Variants in FREM1 observed in about 807,000 individuals in gnomAD.
FREM1 encodes FRAS1 related extracellular matrix 1.
A neutral mutation model predicts 210.1 loss-of-function variants in FREM1; 220 were observed. The observed-to-expected ratio is 1.05, with a 90% CI of 0.94 to 1.17. The LOEUF (loss-of-function observed/expected upper bound fraction) is 1.17. Among genes scored for constraint, FREM1 ranks in the 50% most tolerant of loss-of-function variants. The probability of loss-of-function intolerance (pLI) is 0.00; values close to 1 mark genes in which losing one functional copy is unlikely to be tolerated. For synonymous variants in FREM1, 1,189 were observed against 980.2 expected, an observed-to-expected ratio of 1.21 and a Z score of -3.98; for missense variants, 3,454 against 2,675.5, an observed-to-expected ratio of 1.29 and a Z score of -6.42.
At chr9:14,805,250 TA>T in intron 18 of FREM1, 98 bp from the exon 19 acceptor site, 2 of 635,198 alleles carry the variant, frequency 3.1e-6, no homozygotes, top group Non-Finnish European at 5.2e-6. Context: ...TTCTCAGTAA[TA>T]CAAATAAGAG....
At chr9:14,830,607 C>A (rs560113098) in intron 10 of FREM1, among the ~76,000 whole-genome samples, 2 of 152,300 alleles carry the variant, frequency 1.3e-5, no homozygotes, top group Non-Finnish European at 1.5e-5. Context: ...ATGTGCCCAC[C>A]GGAAGACCTC....
At chr9:14,855,036 G>C (rs894731413) in intron 5 of FREM1, among the ~76,000 whole-genome samples, 3 of 151,662 alleles carry the variant, frequency 2.0e-5, no homozygotes, top group Admixed American at 1.3e-4. Context: ...AAATCCTTAG[G>C]GGCTTTTTTT....
chr9:14,768,238 T>G (rs1420791696), intron 27 of FREM1, among the ~76,000 whole-genome samples: 3 of 149,642 alleles, frequency 2.0e-5, no homozygotes, highest in African/African-American at 7.4e-5. Flanking sequence ...TGATCAACAT[T>G]CCTATGTTTT....
In FREM1 at chr9:14,909,898, T is replaced by C. The variant is rs1037733024; in HGVS notation, c.-268+16A>G. ...CACAGTCACAATGAAAAGAAACACA[T>C]AAAACAGATACTTACAGGTAGTGGT... On this transcript the variant is annotated intron_variant, in intron 1 of 36. Coordinates refer to ENST00000380880, the MANE Select transcript of FREM1 (RefSeq NM_001379081.2). 1 of 152,232 alleles carries C rather than the reference T, an allele frequency of 6.6e-6. No individual in the cohort carries two copies. Among genetic ancestry groups the C allele is most frequent in the Non-Finnish European group, 1.5e-5 (1 of 68,048 alleles). The allele number at this position is 152,232 out of a possible 1,614,324, so 9.4% of individuals were successfully genotyped here.
intron 13 of FREM1, among the ~76,000 whole-genome samples, chr9:14,820,784 C>T (rs10961731): frequency 0.22 from 32,828 of 152,160 alleles, 3,804 homozygotes; most frequent in Middle Eastern, 0.29. Context: ...AAGTGTCTCA[C>T]TTTCACTTTG....
chr9:14,841,881 C>T (rs1825754785), intron 9 of FREM1, among the ~76,000 whole-genome samples: 1 of 152,304 alleles, frequency 6.6e-6, no homozygotes, highest in South Asian at 2.1e-4. Context: ...ACACTAACTA[C>T]TTACTTGATC....
At chr9:14,803,586 C>T (rs1817763753) in intron 19 of FREM1, among the ~76,000 whole-genome samples, 1 of 152,014 alleles carries the variant, frequency 6.6e-6, no homozygotes, top group Admixed American at 6.6e-5. Context: ...CCAGGCTGGT[C>T]TTGAACTCTT....
intron 31 of FREM1, 106 bp downstream of exon 31, chr9:14,748,295 T>A: frequency 1.4e-6 from 1 of 693,636 alleles, no homozygotes; most frequent in Non-Finnish European, 2.5e-6. Flanking sequence ...CCACTCACTA[T>A]GAGAATCAAA....
intron 29 of FREM1, among the ~76,000 whole-genome samples, chr9:14,755,406 T>C (rs1020054508): frequency 1.3e-5 from 2 of 152,214 alleles, no homozygotes; most frequent in Admixed American, 6.5e-5. Flanking sequence ...AGGAGTGTTC[T>C]CAGTATGCAG....
chr9:14,844,530 C>T (rs1027330892), intron 8 of FREM1, among the ~76,000 whole-genome samples: 1 of 152,138 alleles, frequency 6.6e-6, no homozygotes, highest in African/African-American at 2.4e-5. Context: ...CGGCCAGAGA[C>T]TTACAATTCT....
chr9:14,877,108 G>A (rs1833900986), intron 1 of FREM1, among the ~76,000 whole-genome samples: 1 of 151,922 alleles, frequency 6.6e-6, no homozygotes, highest in Non-Finnish European at 1.5e-5. Context: ...TTTAATGCTG[G>A]GACCCTAGAG....
At chr9:14,805,284 T>C in intron 18 of FREM1, 132 bp from the exon 19 acceptor site, 2 of 495,150 alleles carry the variant, frequency 4.0e-6, no homozygotes, top group Non-Finnish European at 3.5e-6. Flanking sequence ...GACCTAAGTA[T>C]CTTGCTATCA....
intron 24 of FREM1, among the ~76,000 whole-genome samples, chr9:14,778,086 G>T (rs1248299088): frequency 6.6e-6 from 1 of 152,088 alleles, no homozygotes; most frequent in African/African-American, 2.4e-5. Context: ...ACCTCGACTT[G>T]TAAAGAATGA....
At chr9:14,782,377 A>G in intron 24 of FREM1, 1 of 979,996 alleles carries the variant, frequency 1.0e-6, no homozygotes, top group African/African-American at 1.7e-5. Context: ...TCTAACCTTC[A>G]TTTCTGAACA....
Position 14,853,603 on chromosome 9 carries a change from C to T in FREM1, c.829-1996G>A, listed in dbSNP as rs148512966. On this transcript the variant is annotated intron_variant, in intron 5 of 36. Coordinates refer to ENST00000380880, the MANE Select transcript of FREM1 (RefSeq NM_001379081.2). Reference sequence around the variant, plus strand: ...GCCTGATCAAATAAGATCCCTCTCTCCCATTCCCCAAAACCACCCCTGCCA... The same window carrying T: ...GCCTGATCAAATAAGATCCCTCTCTTCCATTCCCCAAAACCACCCCTGCCA... Among the ~76,000 whole-genome samples, 140 of 152,264 alleles carry T rather than the reference C, an allele frequency of 9.2e-4. 1 individual carries two copies. The highest frequency in any genetic ancestry group is 3.0e-3 in the African/African-American group (125 of 41,556).
chr9:14,889,847 C>T (rs1257924620), intron 1 of FREM1, among the ~76,000 whole-genome samples: 1 of 151,980 alleles, frequency 6.6e-6, no homozygotes, highest in East Asian at 1.9e-4. Context: ...GACGTGGGAG[C>T]CTTCATTAAA....
Position 14,806,821 on chromosome 9 carries a change from GCCCT to G in FREM1, c.3110_3113del (p.Glu1037AlafsTer52). 6.2e-7 allele frequency: 1 copy of G among 1,603,828 alleles called. No individual in the cohort carries two copies. The highest frequency in any genetic ancestry group is 1.3e-5 in the African/African-American group (1 of 74,812). ...GGTTAACAGTAAGGGCTGTTGAGCAGCCCTCATCTACAACAAACACGGGACCTGC... is the reference window on the plus strand; with the variant it reads ...GGTTAACAGTAAGGGCTGTTGAGCAGCATCTACAACAAACACGGGACCTGC... On this transcript the variant is annotated frameshift_variant, in exon 18 of 37. Coordinates refer to ENST00000380880, the MANE Select transcript of FREM1 (RefSeq NM_001379081.2). LOFTEE classifies it high-confidence loss of function.
intron 1 of FREM1, among the ~76,000 whole-genome samples, chr9:14,905,641 C>G (rs1817554697): frequency 6.6e-6 from 1 of 152,202 alleles, no homozygotes; most frequent in East Asian, 1.9e-4. Context: ...ATAACCCTAG[C>G]ACTTTGGGAG....
intron 28 of FREM1, among the ~76,000 whole-genome samples, chr9:14,759,518 C>CAATAACAATAATAATAATAATAATAAT (rs145791752): frequency 1.7e-4 from 25 of 143,042 alleles, no homozygotes; most frequent in African/African-American, 6.2e-4. Context: ...CTCAAAATAA[C>CAATAACAATAATAATAATAATAATAAT]AATAATAATA....
Sources: gnomAD v4.1 joint callset for allele counts (sites outside exome capture counted in the v4.1 genomes callset) on GRCh38, gnomAD v4.1.1 for gene constraint, MANE v1.5 for transcripts, NCBI Gene and HGNC (gene_info 2026-07-23, HGNC 2026-07-21) for gene names.